TMEM185A: variants seen among roughly 807,000 people sequenced by gnomAD.
TMEM185A encodes the protein family with sequence similarity 11, member A.
A neutral mutation model predicts 25.0 loss-of-function variants in TMEM185A; 9 were observed. That is an observed-to-expected ratio of 0.36 (90% confidence interval 0.22 to 0.63). TMEM185A has a LOEUF of 0.63. TMEM185A is among the 20% of genes least tolerant of loss of function. The probability of loss-of-function intolerance (pLI) is 0.68; values close to 1 mark genes in which losing one functional copy is unlikely to be tolerated. For missense variants in TMEM185A, 103 were observed against 237.4 expected (o/e 0.43, Z 3.72); for synonymous variants, 45 against 93.5 (o/e 0.48, Z 2.99).
chrX:149,626,929 G>C (rs782427328), intron 1 of TMEM185A, among the ~76,000 whole-genome samples: 3 of 112,209 alleles, frequency 2.7e-5, no homozygotes, highest in African/African-American at 6.5e-5. Context: ...CCAGCCACAG[G>C]GTGGTTTTCT....
intron 1 of TMEM185A, among the ~76,000 whole-genome samples, chrX:149,614,756 C>G (rs913987419): frequency 9.0e-6 from 1 of 111,488 alleles, no homozygotes; most frequent in African/African-American, 3.3e-5. Context: ...AGGGATATCA[C>G]TACAAATCCT....
chrX:149,631,378 CGACT>C (rs2090191430), intron 1 of TMEM185A, 161 bp downstream of exon 1: 1 of 278,785 alleles, frequency 3.6e-6, no homozygotes, highest in Non-Finnish European at 4.8e-6. Flanking sequence ...GCGCCGAGGC[CGACT>C]GTTTTGCCTG....
rs186259302 is a variant in TMEM185A at position 149,611,834 on chromosome X, C to T, written c.39-371G>A. 1.3e-4 allele frequency among the ~76,000 whole-genome samples: 14 copies of T among 111,374 alleles called. No homozygotes were observed. The East Asian group carries it at 3.7e-3, about 29-fold the overall frequency. ...AGAGGGCAAGTAGGAAGCTGCCAGG[C>T]AGGAAAGCAAGTGAGATGAGGAAGT... On this transcript the variant is annotated intron_variant, in intron 1 of 6. Transcript: ENST00000600449.
intron 1 of TMEM185A, among the ~76,000 whole-genome samples, chrX:149,626,969 G>A (rs1216843979): frequency 8.9e-6 from 1 of 112,246 alleles, no homozygotes; most frequent in Admixed American, 9.4e-5. Flanking sequence ...AATGGGAATG[G>A]TCAGCTTTAC....
At chrX:149,615,455 CAAT>C (rs2090105495) in intron 1 of TMEM185A, among the ~76,000 whole-genome samples, 1 of 111,090 alleles carries the variant, frequency 9.0e-6, no homozygotes, top group South Asian at 3.7e-4. Flanking sequence ...CTAGCCACAA[CAAT>C]AAGATGATAA....
At chrX:149,601,396 A>G in intron 4 of TMEM185A, 1 of 97,324 alleles carries the variant, frequency 1.0e-5, no homozygotes, top group Non-Finnish European at 2.0e-5. Context: ...ACCCTGCAAA[A>G]CTCTCCGTGC....
intron 1 of TMEM185A, among the ~76,000 whole-genome samples, chrX:149,619,486 T>C (rs1275219639): frequency 2.7e-5 from 3 of 111,363 alleles, no homozygotes; most frequent in African/African-American, 9.8e-5. Context: ...TATAGTATTT[T>C]TGTCTTTTTT....
chrX:149,605,747 C>T (rs1557353329), intron 3 of TMEM185A, among the ~76,000 whole-genome samples: 1 of 112,143 alleles, frequency 8.9e-6, no homozygotes. Context: ...ATGATGACTG[C>T]CTAGTGAGGC....
chrX:149,615,299 T>G (rs949472759), intron 1 of TMEM185A, among the ~76,000 whole-genome samples: 2 of 111,872 alleles, frequency 1.8e-5, no homozygotes, highest in Non-Finnish European at 3.8e-5. Flanking sequence ...TTAAAAGCGT[T>G]AAACAAATTA....
chrX:149,631,651 A>C lies in TMEM185A; in HGVS notation c.-71T>G. Reference sequence around the variant, plus strand: ...CCGTGCTGCACAGCCTGCGCCTTACAGCGGGTTCATGGCGCCAGCGCCAGC... The same window carrying C: ...CCGTGCTGCACAGCCTGCGCCTTACCGCGGGTTCATGGCGCCAGCGCCAGC... On this transcript the variant is annotated 5_prime_UTR_variant, in exon 1 of 7. Coordinates refer to ENST00000600449, the MANE Select transcript of TMEM185A (RefSeq NM_032508.4). 1 of 1,025,332 alleles carries C rather than the reference A, an allele frequency of 9.8e-7. No individual in the cohort carries two copies. The highest frequency in any genetic ancestry group is 1.3e-6 in the Non-Finnish European group (1 of 771,406). 84.5% of individuals were successfully genotyped at this position (1,025,332 alleles called of 1,213,427 possible). A position where few individuals can be genotyped will look rare whatever the true frequency, so the allele number is the denominator to read the frequency against.
intron 4 of TMEM185A, 183 bp downstream of exon 4, chrX:149,603,804 C>T: frequency 2.7e-6 from 1 of 366,572 alleles, no homozygotes; most frequent in Non-Finnish European, 4.8e-6. Context: ...CAGTTATATC[C>T]AAACTGTTTG....
At chrX:149,628,480 T>C (rs1489699456) in intron 1 of TMEM185A, among the ~76,000 whole-genome samples, 5 of 112,415 alleles carry the variant, frequency 4.4e-5, no homozygotes, top group African/African-American at 1.6e-4. Context: ...AAGAAGTTCA[T>C]GATCAACCAG....
intron 1 of TMEM185A, among the ~76,000 whole-genome samples, chrX:149,611,775 G>A (rs782261782): frequency 2.9e-4 from 32 of 112,045 alleles, no homozygotes; most frequent in African/African-American, 1.0e-3. Flanking sequence ...GAGGCACTCA[G>A]AAGCAGAGAT....
At chrX:149,606,104 TTAAA>T (rs1557353441) in intron 3 of TMEM185A, among the ~76,000 whole-genome samples, 1 of 112,499 alleles carries the variant, frequency 8.9e-6, no homozygotes, top group Admixed American at 9.3e-5. Context: ...AATATTATTC[TTAAA>T]TAACCAAAAC....
chrX:149,631,653 C>G lies in TMEM185A; in HGVS notation c.-73G>C. 2 of 1,016,838 alleles carry G rather than the reference C, an allele frequency of 2.0e-6. No homozygotes were observed. Among genetic ancestry groups the G allele is most frequent in the Admixed American group, 3.0e-5 (1 of 32,800 alleles). 83.8% of individuals were successfully genotyped at this position (1,016,838 alleles called of 1,213,427 possible). ...GTGCTGCACAGCCTGCGCCTTACAGCGGGTTCATGGCGCCAGCGCCAGCCG... is the reference window on the plus strand; with the variant it reads ...GTGCTGCACAGCCTGCGCCTTACAGGGGGTTCATGGCGCCAGCGCCAGCCG... On this transcript the variant is annotated 5_prime_UTR_variant, in exon 1 of 7. Transcript: ENST00000600449.
At chrX:149,616,760 G>A (rs1243393737) in intron 1 of TMEM185A, among the ~76,000 whole-genome samples, 1 of 112,262 alleles carries the variant, frequency 8.9e-6, no homozygotes, top group Non-Finnish European at 1.9e-5. Context: ...GAGCCAGCAG[G>A]TTCTTCTGTA....
rs2090032057 is a variant in TMEM185A at position 149,604,039 on chromosome X, T to C, written c.455A>G (p.Gln152Arg). Residue 152 changes from glutamine to arginine, a missense_variant, in exon 4 of 7, where the codon CAG becomes CGG. This residue lies in a region of TMEM185A where 102 missense variants were observed against 125.7 expected (regional missense o/e 0.81). Transcript: ENST00000600449. ...CAGTCTTAAGGCAATGAATATAAACTGGAGAATGTTGACAGAACACAGGAT... is the reference window on the plus strand; with the variant it reads ...CAGTCTTAAGGCAATGAATATAAACCGGAGAATGTTGACAGAACACAGGAT... ...LEILCSVNIL[Q>R]FIFIALRLDK... 1.7e-6 allele frequency: 2 copies of C among 1,204,260 alleles called. No individual in the cohort carries two copies. The highest frequency in any genetic ancestry group is 2.2e-5 in the Admixed American group (1 of 45,710).
chrX:149,621,997 A>G (rs1028042688), intron 1 of TMEM185A, among the ~76,000 whole-genome samples: 1 of 112,019 alleles, frequency 8.9e-6, no homozygotes, highest in Non-Finnish European at 1.9e-5. Flanking sequence ...GGATGTGGAC[A>G]TACTTGGGGG....
At chrX:149,630,813 C>T (rs1267058783) in intron 1 of TMEM185A, among the ~76,000 whole-genome samples, 1 of 111,555 alleles carries the variant, frequency 9.0e-6, no homozygotes, top group South Asian at 3.8e-4. Flanking sequence ...AACAGTCGGG[C>T]AAGTGCAAGG....
Sources: gnomAD v4.1 joint callset for allele counts (sites outside exome capture counted in the v4.1 genomes callset) on GRCh38, gnomAD v4.1.1 for gene constraint, gnomAD v4.1.1 regional missense constraint, MANE v1.5 for transcripts, NCBI Gene and HGNC (gene_info 2026-07-23, HGNC 2026-07-21) for gene names.